Variants in PTPRT observed in about 807,000 individuals in gnomAD.
PTPRT encodes protein tyrosine phosphatase receptor type T.
Under a neutral mutation model 176.8 loss-of-function variants are expected in PTPRT, and 56 were observed. The ratio of observed to expected loss-of-function variants is 0.32; its 90% confidence interval spans 0.26 to 0.40. PTPRT has a LOEUF of 0.40. Ranked by LOEUF, PTPRT falls within the 10% of genes least tolerant of loss-of-function variation. PTPRT has a pLI of 1.00. For missense variants in PTPRT, 1,540 were observed against 1,908.2 expected (o/e 0.81, Z 3.60); for synonymous variants, 783 against 739.0 (o/e 1.06, Z -0.96).
At chr20:43,083,354 AT>A (rs2011512792) in intron 1 of PTPRT, among the ~76,000 whole-genome samples, 5 of 129,796 alleles carry the variant, frequency 3.9e-5, no homozygotes, top group African/African-American at 1.1e-4. Flanking sequence ...ATATATATAT[AT>A]ATATATATAT....
At chr20:42,479,935 T>C (rs999757480) in intron 7 of PTPRT, among the ~76,000 whole-genome samples, 1 of 152,142 alleles carries the variant, frequency 6.6e-6, no homozygotes, top group Non-Finnish European at 1.5e-5. Context: ...TGCTGGTAAT[T>C]CCACAATATA....
At chr20:42,476,123 G>C (rs2071284398) in intron 7 of PTPRT, among the ~76,000 whole-genome samples, 1 of 152,202 alleles carries the variant, frequency 6.6e-6, no homozygotes, top group Admixed American at 6.5e-5. Context: ...AAAATGAACT[G>C]TAAAGAGAGA....
chr20:42,806,691 G>T (rs761537025), intron 2 of PTPRT, among the ~76,000 whole-genome samples: 1 of 152,124 alleles, frequency 6.6e-6, no homozygotes, highest in Non-Finnish European at 1.5e-5. Flanking sequence ...AGAGACAATG[G>T]ATAAATGGAT....
chr20:42,527,441 A>T (rs1388083963), intron 7 of PTPRT, among the ~76,000 whole-genome samples: 1 of 152,206 alleles, frequency 6.6e-6, no homozygotes, highest in Non-Finnish European at 1.5e-5. Context: ...CTGCAGCCAC[A>T]GATGTCATCT....
chr20:42,589,011 T>C (rs766213034), intron 7 of PTPRT, among the ~76,000 whole-genome samples: 7 of 152,212 alleles, frequency 4.6e-5, no homozygotes, highest in Non-Finnish European at 7.3e-5. Flanking sequence ...CCAGAACCTA[T>C]GTCCTAGAGG....
At chr20:42,176,583 G>T (rs1314512147) in intron 16 of PTPRT, among the ~76,000 whole-genome samples, 4 of 152,112 alleles carry the variant, frequency 2.6e-5, no homozygotes, top group Non-Finnish European at 5.9e-5. Context: ...CACACTTATG[G>T]GAAGATGTGT....
intron 7 of PTPRT, among the ~76,000 whole-genome samples, chr20:42,651,642 G>A (rs990225540): frequency 2.0e-5 from 3 of 152,158 alleles, no homozygotes; most frequent in Non-Finnish European, 4.4e-5. Context: ...GTATTGCTGA[G>A]CAGAGACACT....
At chr20:43,045,196 C>T (rs1425258979) in intron 1 of PTPRT, among the ~76,000 whole-genome samples, 1 of 152,180 alleles carries the variant, frequency 6.6e-6, no homozygotes, top group East Asian at 1.9e-4. Context: ...CACCCAAGTC[C>T]AAAGGGTAGA....
At chr20:43,117,127 T>C (rs557556420) in intron 1 of PTPRT, among the ~76,000 whole-genome samples, 1 of 152,268 alleles carries the variant, frequency 6.6e-6, no homozygotes, top group Non-Finnish European at 1.5e-5. Flanking sequence ...GCGCTGCTTC[T>C]TACGGCCTGG....
intron 2 of PTPRT, among the ~76,000 whole-genome samples, chr20:42,811,203 AT>A (rs2077692580): frequency 6.6e-6 from 1 of 152,208 alleles, no homozygotes; most frequent in African/African-American, 2.4e-5. Context: ...TTTAAAAAAA[AT>A]CTTAAGTTTC....
chr20:42,208,695 G>T (rs2055537412), intron 15 of PTPRT, among the ~76,000 whole-genome samples: 1 of 151,836 alleles, frequency 6.6e-6, no homozygotes, highest in African/African-American at 2.4e-5. Flanking sequence ...ATTAATAATG[G>T]GAGACTTTAA....
At position 42,668,488 on chromosome 20, in the gene PTPRT, G is replaced by A. The variant is rs142972270; in HGVS notation, c.1153+9378C>T. ...GCTCATACAATAATGAGACTTCATGGGTTAGGGGAAGTGAGTCTCTGGGAT... is the reference window on the plus strand; with the variant it reads ...GCTCATACAATAATGAGACTTCATGAGTTAGGGGAAGTGAGTCTCTGGGAT... On this transcript the variant is annotated intron_variant, in intron 7 of 30. Coordinates refer to ENST00000373187, the MANE Select transcript of PTPRT (RefSeq NM_007050.6). Among the ~76,000 whole-genome samples the A allele has an allele frequency of 9.2e-5, 14 of 152,232 alleles. No individual in the cohort carries two copies. In the East Asian group the frequency reaches 2.7e-3, roughly 29 times the overall value.
chr20:42,044,002 T>A, the PTPRT span, among the ~76,000 whole-genome samples: 1 of 152,190 alleles, frequency 6.6e-6, no homozygotes. Context: ...TCACTCCTCC[T>A]TCAGGCAACA....
At chr20:42,220,533 A>C (rs1049692479) in intron 15 of PTPRT, among the ~76,000 whole-genome samples, 1 of 150,744 alleles carries the variant, frequency 6.6e-6, no homozygotes, top group Non-Finnish European at 1.5e-5. Flanking sequence ...ACATAGTGAC[A>C]CCCTCTCTAC....
chr20:42,990,342 C>A (rs1474535081), intron 1 of PTPRT, among the ~76,000 whole-genome samples: 3 of 151,436 alleles, frequency 2.0e-5, no homozygotes, highest in African/African-American at 7.3e-5. Flanking sequence ...ATTTGTTCAG[C>A]TTTTTTTTAA....
chr20:42,171,614 GTGTT>G (rs1474054058), intron 16 of PTPRT, among the ~76,000 whole-genome samples: 2 of 152,118 alleles, frequency 1.3e-5, no homozygotes, highest in Non-Finnish European at 2.9e-5. Flanking sequence ...GTGCGTGTGT[GTGTT>G]TAAGGCATCA....
chr20:42,603,289 G>C (rs1025437663), intron 7 of PTPRT, among the ~76,000 whole-genome samples: 2 of 152,102 alleles, frequency 1.3e-5, no homozygotes, highest in African/African-American at 4.8e-5. Flanking sequence ...TGGCCTGGGA[G>C]ATATTTGAGC....
At chr20:42,888,868 G>T (rs1600523008) in intron 1 of PTPRT, among the ~76,000 whole-genome samples, 1 of 152,080 alleles carries the variant, frequency 6.6e-6, no homozygotes, top group East Asian at 1.9e-4. Flanking sequence ...ATACACTGAA[G>T]ATGCAATGGA....
chr20:43,084,682 T>C (rs930822664), intron 1 of PTPRT, among the ~76,000 whole-genome samples: 1 of 152,176 alleles, frequency 6.6e-6, no homozygotes, highest in African/African-American at 2.4e-5. Flanking sequence ...CTTCTTGTTG[T>C]TACATCCATT....
Sources: allele counts gnomAD v4.1 joint callset (sites outside exome capture counted in the v4.1 genomes callset), GRCh38; gene constraint gnomAD v4.1.1; transcripts MANE v1.5; gene names NCBI Gene and HGNC (gene_info 2026-07-23, HGNC 2026-07-21).